The following CTNNA3 variants were observed in gnomAD, a reference collection of about 807,000 sequenced individuals.
CTNNA3 encodes the protein catenin alpha 3.
In CTNNA3, 76 loss-of-function variants were observed where a neutral mutation model predicts 95.7. The ratio of observed to expected loss-of-function variants is 0.79; its 90% CI spans 0.66 to 0.96. CTNNA3 has a LOEUF of 0.96. Among genes scored for constraint, CTNNA3 ranks in the 40% least tolerant of loss-of-function variants. The probability of loss-of-function intolerance (pLI) is 0.00; values close to 1 mark genes in which losing one functional copy is unlikely to be tolerated. For synonymous variants in CTNNA3, 431 were observed against 374.4 expected (o/e 1.15, Z -1.74); for missense variants, 1,191 against 1,089.8 (o/e 1.09, Z -1.31).
At chr10:66,821,454 G>T (rs369887563) in intron 7 of CTNNA3, among the ~76,000 whole-genome samples, 3 of 152,174 alleles carry the variant, frequency 2.0e-5, no homozygotes, top group Non-Finnish European at 2.9e-5. Flanking sequence ...TGAAAAAAGT[G>T]GTAGGAAAGA....
At chr10:66,891,836 G>T (rs1446560238) in intron 7 of CTNNA3, among the ~76,000 whole-genome samples, 1 of 151,962 alleles carries the variant, frequency 6.6e-6, no homozygotes, top group Non-Finnish European at 1.5e-5. Context: ...TTCCTGTCTG[G>T]GCTAGAAATC....
intron 13 of CTNNA3, among the ~76,000 whole-genome samples, chr10:66,128,243 T>C (rs546018381): frequency 1.3e-5 from 2 of 152,158 alleles, no homozygotes; most frequent in African/African-American, 4.8e-5. Flanking sequence ...ACAAATGCAA[T>C]AGAAATAACA....
Position 67,218,077 on chromosome 10 carries a change from T to C in CTNNA3, c.843+1530A>G, listed in dbSNP as rs138662132. ...ACATCAATCCCATTCCCAAGATAAT[T>C]CATTAGGTATATGCAAATATTCCAA... On this transcript the variant is annotated intron_variant, in intron 6 of 17. Transcript: ENST00000433211. Among the ~76,000 whole-genome samples, 195 of 152,280 alleles carry C rather than the reference T, an allele frequency of 1.3e-3. 6 individuals are homozygous for C. The East Asian group carries it at 0.034, about 26-fold the overall frequency.
At chr10:67,470,061 T>C (rs928038438) in intron 5 of CTNNA3, among the ~76,000 whole-genome samples, 1 of 152,214 alleles carries the variant, frequency 6.6e-6, no homozygotes, top group Non-Finnish European at 1.5e-5. Flanking sequence ...TAACTTTTTG[T>C]ACCTATTAAC....
intron 11 of CTNNA3, 24 bp from the exon 12 acceptor site, chr10:66,379,376 G>A (rs893024601): frequency 6.4e-7 from 1 of 1,572,608 alleles, no homozygotes; most frequent in Non-Finnish European, 8.8e-7. Context: ...AATCAAATTA[G>A]TTTTTGCGTG....
chr10:67,476,872 C>T (rs757104414), intron 5 of CTNNA3, among the ~76,000 whole-genome samples: 50 of 150,836 alleles, frequency 3.3e-4, no homozygotes, highest in Non-Finnish European at 5.2e-4. Context: ...TACAGGGGAG[C>T]GCCTCTCCAC....
rs1057498696 is a variant in CTNNA3, at chr10:66,763,058, TG to T, written c.1281+3205del. 9.9e-4 allele frequency among the ~76,000 whole-genome samples: 151 copies of T among 152,092 alleles called. 1 individual carries two copies. The highest frequency in any genetic ancestry group is 1.5e-3 in the Non-Finnish European group (99 of 67,974). On this transcript the variant is annotated intron_variant, in intron 9 of 17. Coordinates refer to ENST00000433211, the MANE Select transcript of CTNNA3 (RefSeq NM_013266.4). ...TAAGATGAGTGTATGTGCATGTCTG[TG>T]GGGTGGGGTGGTAGGGAGCAAGGAA...
chr10:66,906,139 G>T (rs1564756694), intron 7 of CTNNA3, among the ~76,000 whole-genome samples: 1 of 152,140 alleles, frequency 6.6e-6, no homozygotes, highest in Non-Finnish European at 1.5e-5. Flanking sequence ...TAGATGAATA[G>T]TTGACAGGGA....
chr10:67,040,409 C>T (rs1854321498), intron 7 of CTNNA3, among the ~76,000 whole-genome samples: 2 of 151,970 alleles, frequency 1.3e-5, no homozygotes, highest in Admixed American at 1.3e-4. Context: ...AGCCACTGCA[C>T]AAAGGTCAAA....
Position 67,313,348 on chromosome 10 carries a change from C to A in CTNNA3, c.580-93478G>T, listed in dbSNP as rs1157854486. Among the ~76,000 whole-genome samples, 3 of 151,748 alleles carry A rather than the reference C, an allele frequency of 2.0e-5. No homozygotes were observed. The East Asian group carries it at 5.8e-4, about 29-fold the overall frequency. Reference sequence around the variant, plus strand: ...TCAGGAGGCTGAGGCAGGAGAATGGCATGAACCCGGGAGGCGGAGTTTGCA... The same window carrying A: ...TCAGGAGGCTGAGGCAGGAGAATGGAATGAACCCGGGAGGCGGAGTTTGCA... On this transcript the variant is annotated intron_variant, in intron 5 of 17. Coordinates refer to ENST00000433211, the MANE Select transcript of CTNNA3 (RefSeq NM_013266.4).
intron 1 of CTNNA3, among the ~76,000 whole-genome samples, chr10:67,731,847 C>T (rs1462934456): frequency 1.3e-5 from 2 of 149,192 alleles, no homozygotes; most frequent in Non-Finnish European, 1.5e-5. Flanking sequence ...TGGTTCACAT[C>T]ATTAGTTTTT....
chr10:66,164,060 G>C (rs1454329392), intron 13 of CTNNA3, among the ~76,000 whole-genome samples: 1 of 152,166 alleles, frequency 6.6e-6, no homozygotes, highest in African/African-American at 2.4e-5. Flanking sequence ...TAGTGACTTT[G>C]AAAAACTGTT....
intron 9 of CTNNA3, among the ~76,000 whole-genome samples, chr10:66,739,900 A>C (rs1490047174): frequency 6.6e-6 from 1 of 152,200 alleles, no homozygotes; most frequent in Admixed American, 6.5e-5. Context: ...AAGTTTATAC[A>C]AAGAAAAATT....
At position 67,092,994 on chromosome 10, in the gene CTNNA3, T is replaced by C. The variant is rs141161713; in HGVS notation, c.1047+87323A>G. 3.9e-3 allele frequency among the ~76,000 whole-genome samples: 588 copies of C among 152,156 alleles called. 5 individuals carry two copies. Among genetic ancestry groups the C allele is most frequent in the African/African-American group, 0.014 (565 of 41,544 alleles). ...ATGCTTTCTAGAGAGTAAGTTTTTA[T>C]ACCCCTGAATCTCCACAATTCATAG... is the stretch of plus-strand genomic sequence containing the variant. On this transcript the variant is annotated intron_variant, in intron 7 of 17. Transcript: ENST00000433211.
intron 10 of CTNNA3, among the ~76,000 whole-genome samples, chr10:66,608,311 T>C (rs912717524): frequency 1.3e-5 from 2 of 150,726 alleles, no homozygotes; most frequent in Non-Finnish European, 2.9e-5. Flanking sequence ...CACAAACAAA[T>C]GGCGAAACGT....
chr10:67,366,500 G>A (rs764652761), intron 5 of CTNNA3, among the ~76,000 whole-genome samples: 70 of 152,228 alleles, frequency 4.6e-4, no homozygotes, highest in Admixed American at 1.6e-3. Flanking sequence ...AATCAGCCAG[G>A]AGTGGTGGCA....
intron 13 of CTNNA3, among the ~76,000 whole-genome samples, chr10:66,251,687 C>A (rs969716947): frequency 6.6e-6 from 1 of 151,924 alleles, no homozygotes; most frequent in Admixed American, 6.6e-5. Flanking sequence ...TTCATTATAT[C>A]AAAATATTTT....
At chr10:67,519,774 T>G (rs1036390802) in intron 5 of CTNNA3, among the ~76,000 whole-genome samples, 1 of 152,150 alleles carries the variant, frequency 6.6e-6, no homozygotes, top group Non-Finnish European at 1.5e-5. Flanking sequence ...AATACCACCT[T>G]ATAAAGAGGA....
At chr10:66,482,341 G>A (rs1455083440) in intron 11 of CTNNA3, among the ~76,000 whole-genome samples, 2 of 152,044 alleles carry the variant, frequency 1.3e-5, no homozygotes, top group Non-Finnish European at 2.9e-5. Flanking sequence ...TTAACTACCA[G>A]TACCTCTAAT....
Sources: gnomAD v4.1 joint callset for allele counts (sites outside exome capture counted in the v4.1 genomes callset) on GRCh38, gnomAD v4.1.1 for gene constraint, MANE v1.5 for transcripts, NCBI Gene and HGNC (gene_info 2026-07-23, HGNC 2026-07-21) for gene names.